The following CWC22 variants were observed in gnomAD, a reference collection of about 807,000 sequenced individuals.
CWC22 encodes pre-mRNA-splicing factor CWC22 homolog.
In CWC22, 53 loss-of-function variants were observed where a neutral mutation model predicts 117.2. That is an observed-to-expected ratio of 0.45 (90% CI 0.36 to 0.57). CWC22 has a LOEUF of 0.57. Among genes scored for constraint, CWC22 ranks in the 20% least tolerant of loss-of-function variants. The pLI is 0.00. For synonymous variants in CWC22, 360 were observed against 355.6 expected (o/e 1.01, Z -0.14); for missense variants, 980 against 1,068.8 (o/e 0.92, Z 1.16).
chr2:179,987,793 G>A (rs1575655096), intron 3 of CWC22, among the ~76,000 whole-genome samples: 1 of 152,090 alleles, frequency 6.6e-6, no homozygotes, highest in South Asian at 2.1e-4. Flanking sequence ...TGAAATAATT[G>A]TAGTGCTAAT....
intron 11 of CWC22, among the ~76,000 whole-genome samples, chr2:179,967,726 T>C (rs1686928473): frequency 7.6e-6 from 1 of 132,328 alleles, no homozygotes; most frequent in Non-Finnish European, 1.7e-5. Flanking sequence ...AGTTCATATA[T>C]ATAGCCCTTC....
intron 5 of CWC22, among the ~76,000 whole-genome samples, chr2:179,980,610 G>T (rs2105539710): frequency 6.6e-6 from 1 of 152,032 alleles, no homozygotes; most frequent in East Asian, 1.9e-4. Flanking sequence ...TAGAGACAGG[G>T]TTTCACTATA....
intron 2 of CWC22, 135 bp downstream of exon 2, chr2:179,993,180 A>C: frequency 1.5e-6 from 1 of 650,298 alleles, no homozygotes; most frequent in Non-Finnish European, 2.6e-6. Flanking sequence ...CAAAAACTGC[A>C]ATTACTTTTG....
chr2:179,960,708 T>C (rs553696338), intron 13 of CWC22, among the ~76,000 whole-genome samples: 19 of 151,970 alleles, frequency 1.3e-4, no homozygotes, highest in African/African-American at 4.3e-4. Context: ...GTCCCAGAAG[T>C]AGAACTTGAA....
chr2:179,969,315 A>C (rs1397741717), intron 11 of CWC22, among the ~76,000 whole-genome samples: 1 of 152,212 alleles, frequency 6.6e-6, no homozygotes, highest in East Asian at 1.9e-4. Context: ...ATTATAACAG[A>C]AAAAAAGAAT....
intron 13 of CWC22, among the ~76,000 whole-genome samples, chr2:179,962,681 G>A (rs1686784242): frequency 6.6e-6 from 1 of 151,432 alleles, no homozygotes; most frequent in African/African-American, 2.4e-5. Context: ...ATAATTATGT[G>A]TCCATATTTA....
intron 16 of CWC22, among the ~76,000 whole-genome samples, chr2:179,953,059 T>G (rs1012897329): frequency 6.6e-6 from 1 of 152,074 alleles, no homozygotes; most frequent in Admixed American, 6.6e-5. Flanking sequence ...GCTTAAAAAC[T>G]GAAATGCCTA....
At chr2:179,959,933 T>C (rs144643999) in intron 13 of CWC22, among the ~76,000 whole-genome samples, 1 of 152,188 alleles carries the variant, frequency 6.6e-6, no homozygotes, top group East Asian at 1.9e-4. Context: ...ATAAGAGGTA[T>C]ATGCATTGAA....
chr2:179,986,315 A>C (rs558397161), intron 4 of CWC22, among the ~76,000 whole-genome samples: 1 of 152,302 alleles, frequency 6.6e-6, no homozygotes, highest in Non-Finnish European at 1.5e-5. Context: ...ATATCATACA[A>C]TATAAATTTC....
chr2:179,969,720 T>G (rs1686982675), intron 11 of CWC22, among the ~76,000 whole-genome samples: 1 of 152,240 alleles, frequency 6.6e-6, no homozygotes, highest in African/African-American at 2.4e-5. Context: ...TTTTATTGCT[T>G]CCACAGCAAT....
intron 1 of CWC22, among the ~76,000 whole-genome samples, 172 bp from the exon 2 acceptor site, chr2:179,993,626 C>T (rs533118432): frequency 6.6e-6 from 1 of 151,946 alleles, no homozygotes; most frequent in South Asian, 2.1e-4. Context: ...GTATACCTAA[C>T]ACATACAAGT....
At chr2:180,005,246 G>A (rs902561446) in intron 1 of CWC22, among the ~76,000 whole-genome samples, 8 of 152,310 alleles carry the variant, frequency 5.3e-5, no homozygotes, top group African/African-American at 1.7e-4. Context: ...AGTCAACTGA[G>A]TTGGGAAAGA....
chr2:179,952,652 C>T (rs910791101), intron 16 of CWC22, 54 bp from the exon 17 acceptor site: 2 of 977,076 alleles, frequency 2.0e-6, no homozygotes, highest in African/African-American at 3.4e-5. Flanking sequence ...AAAGACAGGA[C>T]ATAGTGACCA....
At chr2:179,999,506 C>A (rs956519324) in intron 1 of CWC22, among the ~76,000 whole-genome samples, 1 of 152,092 alleles carries the variant, frequency 6.6e-6, no homozygotes, top group African/African-American at 2.4e-5. Context: ...TATATAAGTA[C>A]GTCAGACTGT....
At chr2:179,962,615 T>C (rs1686781584) in intron 13 of CWC22, among the ~76,000 whole-genome samples, 1 of 152,132 alleles carries the variant, frequency 6.6e-6, no homozygotes, top group African/African-American at 2.4e-5. Context: ...TTTTGATTAT[T>C]TGTGGTAGAA....
intron 4 of CWC22, among the ~76,000 whole-genome samples, chr2:179,982,344 A>G (rs1195885266): frequency 6.6e-6 from 1 of 152,228 alleles, no homozygotes; most frequent in Non-Finnish European, 1.5e-5. Context: ...TGGTTGTTGG[A>G]AAGATGAATT....
At chr2:179,986,006 C>T (rs1202004384) in intron 4 of CWC22, among the ~76,000 whole-genome samples, 1 of 152,024 alleles carries the variant, frequency 6.6e-6, no homozygotes, top group Non-Finnish European at 1.5e-5. Context: ...AATACTCTGC[C>T]TAGATTTCAA....
At chr2:179,991,072 T>A (rs1316336078) in intron 2 of CWC22, among the ~76,000 whole-genome samples, 4 of 152,168 alleles carry the variant, frequency 2.6e-5, no homozygotes, top group Admixed American at 2.0e-4. Context: ...CAGTCAGAAT[T>A]ACCTTTTAAA....
intron 11 of CWC22, among the ~76,000 whole-genome samples, chr2:179,966,979 T>G (rs1343711417): frequency 1.3e-5 from 2 of 152,210 alleles, no homozygotes; most frequent in African/African-American, 4.8e-5. Flanking sequence ...AGCCCTTATC[T>G]GACATATAAA....
Sources: allele counts gnomAD v4.1 joint callset (sites outside exome capture counted in the v4.1 genomes callset), GRCh38; gene constraint gnomAD v4.1.1; transcripts MANE v1.5; gene names NCBI Gene and HGNC (gene_info 2026-07-23, HGNC 2026-07-21).